The following ATE1 variants were observed in gnomAD, a reference collection of about 807,000 sequenced individuals.
ATE1 encodes arginyl-tRNA--protein transferase 1.
In ATE1, 36 loss-of-function variants were observed where a neutral mutation model predicts 70.5. The observed-to-expected ratio is 0.51, with a 90% CI of 0.39 to 0.67. The LOEUF (loss-of-function observed/expected upper bound fraction) is 0.67. Among genes scored for constraint, ATE1 ranks in the 30% least tolerant of loss-of-function variants. ATE1 has a pLI of 0.00. For missense variants in ATE1, 593 were observed against 629.5 expected (o/e 0.94, Z 0.62); for synonymous variants, 232 against 219.3 (o/e 1.06, Z -0.51).
intron 10 of ATE1, among the ~76,000 whole-genome samples, chr10:121,810,981 GTGAGC>G (rs1489479902): frequency 5.9e-5 from 9 of 152,190 alleles, no homozygotes; most frequent in Admixed American, 1.3e-4. Context: ...AATTACACGT[GTGAGC>G]CATCACGCCC....
At chr10:121,897,442 T>C (rs1950822608) in intron 7 of ATE1, among the ~76,000 whole-genome samples, 1 of 152,142 alleles carries the variant, frequency 6.6e-6, no homozygotes, top group Non-Finnish European at 1.5e-5. Context: ...CTGCAAATGC[T>C]ATCACCCACA....
chr10:121,831,863 T>A (rs1176864395), intron 10 of ATE1, among the ~76,000 whole-genome samples: 1 of 152,224 alleles, frequency 6.6e-6, no homozygotes, highest in East Asian at 1.9e-4. Flanking sequence ...TCTTTTATAA[T>A]GATACTTGTT....
At chr10:121,860,633 C>G (rs1949435123) in intron 8 of ATE1, among the ~76,000 whole-genome samples, 1 of 152,124 alleles carries the variant, frequency 6.6e-6, no homozygotes, top group Non-Finnish European at 1.5e-5. Flanking sequence ...ATAAGTTGGA[C>G]AGAAATAAGA....
Position 121,851,090 on chromosome 10 carries a change from CAAAAAAAAAAAAAAAAAAAAA to C in ATE1, c.976-9848_976-9828del, listed in dbSNP as rs10603053. ...TGGGCCACAAAGCGAGACTCCATCT[CAAAAAAAAAAAAAAAAAAAAA>C]AAAAAAAAAAAAGAATTTCAGTGTC... is the stretch of plus-strand genomic sequence containing the variant. On this transcript the variant is annotated intron_variant, in intron 8 of 11. Coordinates refer to ENST00000224652, the MANE Select transcript of ATE1 (RefSeq NM_001001976.3). Among the ~76,000 whole-genome samples the C allele has an allele frequency of 1.2e-3, 54 of 43,228 alleles. 2 individuals are homozygous for C. Among genetic ancestry groups the C allele is most frequent in the African/African-American group, 4.7e-3 (48 of 10,134 alleles). The allele number at this position is 43,228 out of a possible 152,430, so 28.4% of individuals were successfully genotyped here.
chr10:121,822,367 G>A (rs1323993099), intron 10 of ATE1, among the ~76,000 whole-genome samples: 1 of 152,174 alleles, frequency 6.6e-6, no homozygotes, highest in African/African-American at 2.4e-5. Context: ...GAGAACAGTG[G>A]TTACCTTGGG....
chr10:121,859,357 C>T (rs1044653361), intron 8 of ATE1, among the ~76,000 whole-genome samples: 7 of 150,734 alleles, frequency 4.6e-5, no homozygotes, highest in Non-Finnish European at 8.9e-5. Context: ...CCCGGGTTCA[C>T]GCCATTCTCC....
intron 7 of ATE1, among the ~76,000 whole-genome samples, chr10:121,878,555 TGC>T (rs949783501): frequency 1.3e-5 from 2 of 150,276 alleles, no homozygotes; most frequent in African/African-American, 4.9e-5. Context: ...ATCACACGAC[TGC>T]GCTCCAGCCT....
At chr10:121,799,651 C>T (rs905348861) in intron 10 of ATE1, among the ~76,000 whole-genome samples, 1 of 152,094 alleles carries the variant, frequency 6.6e-6, no homozygotes, top group African/African-American at 2.4e-5. Context: ...AAAATGTTAA[C>T]GTTAGATTAG....
At chr10:121,928,101 T>G, upstream of ATE1, 1 of 1,217,860 alleles carries the variant, frequency 8.2e-7, no homozygotes, top group South Asian at 3.8e-5. Flanking sequence ...CCGGCGCCTC[T>G]TGGAGCTGAC....
At chr10:121,893,598 C>T (rs910229568) in intron 7 of ATE1, among the ~76,000 whole-genome samples, 4 of 151,388 alleles carry the variant, frequency 2.6e-5, no homozygotes, top group Non-Finnish European at 5.9e-5. Context: ...AATAATGGCA[C>T]AAAAAAGGGA....
chr10:121,847,125 G>A (rs1948855153), intron 8 of ATE1, among the ~76,000 whole-genome samples: 1 of 152,118 alleles, frequency 6.6e-6, no homozygotes, highest in South Asian at 2.1e-4. Flanking sequence ...AAGCCTCAAG[G>A]CTGATAGGAA....
At chr10:121,876,679 T>C (rs2134076003) in intron 7 of ATE1, among the ~76,000 whole-genome samples, 1 of 152,242 alleles carries the variant, frequency 6.6e-6, no homozygotes, top group South Asian at 2.1e-4. Context: ...TAAAAAATTG[T>C]GTTGCTGCCG....
At chr10:121,927,353 T>G (rs1438416363) in intron 1 of ATE1, 1 of 985,016 alleles carries the variant, frequency 1.0e-6, no homozygotes, top group Non-Finnish European at 1.2e-6. Context: ...TTTTTTTTTT[T>G]TAACCCAGAG....
At chr10:121,831,234 T>C (rs1398017197) in intron 10 of ATE1, among the ~76,000 whole-genome samples, 1 of 152,216 alleles carries the variant, frequency 6.6e-6, no homozygotes, top group Non-Finnish European at 1.5e-5. Context: ...AACCTAACAT[T>C]TGGATTTCTT....
At chr10:121,884,105 CAAAAAAAAAA>C (rs56040116) in intron 7 of ATE1, among the ~76,000 whole-genome samples, 11 of 43,416 alleles carry the variant, frequency 2.5e-4, no homozygotes, top group Non-Finnish European at 2.5e-4. Context: ...GACCCAGACT[CAAAAAAAAAA>C]AAAAAAAAAA....
chr10:121,751,290 T>G (rs960828870), intron 11 of ATE1, among the ~76,000 whole-genome samples: 9 of 152,216 alleles, frequency 5.9e-5, no homozygotes, highest in Non-Finnish European at 2.9e-5. Context: ...TACCATGTAA[T>G]TCACCCATTT....
intron 11 of ATE1, among the ~76,000 whole-genome samples, chr10:121,779,308 C>T (rs1945880793): frequency 6.6e-6 from 1 of 152,180 alleles, no homozygotes; most frequent in South Asian, 2.1e-4. Context: ...TAGATTTCAT[C>T]ACCACTAGTC....
At chr10:121,767,361 T>C (rs1945320500) in intron 11 of ATE1, among the ~76,000 whole-genome samples, 1 of 152,218 alleles carries the variant, frequency 6.6e-6, no homozygotes, top group South Asian at 2.1e-4. Context: ...TCATCATTTT[T>C]ATTCAAAATA....
intron 8 of ATE1, among the ~76,000 whole-genome samples, chr10:121,859,976 C>T (rs1949411799): frequency 6.6e-6 from 1 of 152,080 alleles, no homozygotes; most frequent in African/African-American, 2.4e-5. Context: ...AAAAGACTTG[C>T]TTTTTAAGGA....
Sources: gnomAD v4.1 joint callset for allele counts (sites outside exome capture counted in the v4.1 genomes callset) on GRCh38, gnomAD v4.1.1 for gene constraint, MANE v1.5 for transcripts, NCBI Gene and HGNC (gene_info 2026-07-23, HGNC 2026-07-21) for gene names.